Variants in TIPARP observed in about 807,000 individuals in gnomAD.
TIPARP encodes the protein TCDD inducible poly(ADP-ribose) polymerase, also known as protein mono-ADP-ribosyltransferase TIPARP.
A neutral mutation model predicts 56.5 loss-of-function variants in TIPARP; 12 were observed. The ratio of observed to expected loss-of-function variants is 0.21; its 90% CI spans 0.14 to 0.34. TIPARP has a LOEUF of 0.34. Ranked by LOEUF, TIPARP falls within the 10% of genes least tolerant of loss-of-function variation. The pLI is 1.00. For synonymous variants in TIPARP, 296 were observed against 265.7 expected, an observed-to-expected ratio of 1.11 and a Z score of -1.11; for missense variants, 604 against 781.6, an observed-to-expected ratio of 0.77 and a Z score of 2.71.
Position 156,703,643 on chromosome 3 carries a change from A to G in TIPARP, c.1467A>G (p.Lys489=), listed in dbSNP as rs142417122. ...TTCATAAGACTGTGCCTGAGTTTAA[A>G]TACAGAATTTTGCAGATATTGAGAG... ...NLFHKTVPEF[K]YRILQILRVQ... Residue 489 remains lysine (K), a synonymous_variant, in exon 5 of 6, where the codon AAA becomes AAG. Transcript: ENST00000295924. 2 of 1,614,070 alleles carry G rather than the reference A, an allele frequency of 1.2e-6. No individual in the cohort carries two copies. The highest frequency in any genetic ancestry group is 2.7e-5 in the African/African-American group (2 of 74,936).
chr3:156,693,922 G>A lies in TIPARP; in HGVS notation c.918-98G>A, dbSNP rs1476564161. 9 of 1,311,342 alleles carry A rather than the reference G, an allele frequency of 6.9e-6. 1 individual carries two copies. The East Asian group carries it at 2.3e-4, about 34-fold the overall frequency. The allele number at this position is 1,311,342 out of a possible 1,614,324, so 81.2% of individuals were successfully genotyped here. A position where few individuals can be genotyped will look rare whatever the true frequency, so the allele number is the denominator to read the frequency against. The stretch of plus-strand genomic sequence containing the variant: ...TTTTGAAAATTCTACAACAGGCTAT[G>A]CTATGTATTTTTAATGTCCAATGAT... On this transcript the variant is annotated intron_variant, in intron 2 of 5. Transcript: ENST00000295924.
chr3:156,683,287 T>G (rs1476119104), intron 2 of TIPARP, among the ~76,000 whole-genome samples: 1 of 152,194 alleles, frequency 6.6e-6, no homozygotes, highest in African/African-American at 2.4e-5. Flanking sequence ...AAGCTCTTAC[T>G]TTTTATTGTA....
intron 3 of TIPARP, among the ~76,000 whole-genome samples, chr3:156,694,692 G>A (rs1264972097): frequency 6.6e-6 from 1 of 152,174 alleles, no homozygotes; most frequent in Non-Finnish European, 1.5e-5. Context: ...ATGTGCACTT[G>A]CATCCTTAGT....
chr3:156,703,374 G>A (rs1290920859), intron 4 of TIPARP, 50 bp from the exon 5 acceptor site: 18 of 1,573,584 alleles, frequency 1.1e-5, no homozygotes, highest in Non-Finnish European at 1.6e-5. Flanking sequence ...AATGTGAGGT[G>A]TACTTATTTC....
At chr3:156,698,647 C>T (rs779883292) in intron 4 of TIPARP, among the ~76,000 whole-genome samples, 2 of 152,230 alleles carry the variant, frequency 1.3e-5, no homozygotes, top group South Asian at 2.1e-4. Flanking sequence ...TGACAATGCA[C>T]CTGGTTACCC....
intron 2 of TIPARP, among the ~76,000 whole-genome samples, chr3:156,692,285 A>G (rs1376741940): frequency 6.6e-6 from 1 of 152,172 alleles, no homozygotes. Context: ...AAAATTGCTT[A>G]AGGCAACTTG....
chr3:156,703,841 G>C (rs889498122), intron 5 of TIPARP, 139 bp downstream of exon 5: 3 of 880,360 alleles, frequency 3.4e-6, no homozygotes, highest in Non-Finnish European at 3.3e-6. Context: ...GTGAAACCCC[G>C]TCTCTACTAA....
In TIPARP at chr3:156,704,972, G is replaced by A. The variant is rs762552988; in HGVS notation, c.1815G>A (p.Arg605=). ...RYTMGSHGMR[R]PPPVNPGSVT... is the part of the protein sequence containing the mutation. ...CAATGGGCAGTCATGGCATGAGAAGGCCCCCGCCAGTCAATCCTGGCAGTG... is the reference window on the plus strand; with the variant it reads ...CAATGGGCAGTCATGGCATGAGAAGACCCCCGCCAGTCAATCCTGGCAGTG... The change falls in exon 6 of 6, where the codon AGG becomes AGA. Residue 605 remains arginine (R), a synonymous_variant. Transcript: ENST00000295924. 6.2e-7 allele frequency: 1 copy of A among 1,613,880 alleles called. No individual in the cohort carries two copies. Among genetic ancestry groups the A allele is most frequent in the South Asian group, 1.1e-5 (1 of 91,078 alleles).
chr3:156,682,175 G>C lies in TIPARP; in HGVS notation c.917+3561G>C, dbSNP rs549108741. Among the ~76,000 whole-genome samples, 24 of 152,258 alleles carry C rather than the reference G, an allele frequency of 1.6e-4. No individual in the cohort carries two copies. In the East Asian group the frequency reaches 4.6e-3, roughly 29 times the overall value. Reference sequence around the variant, plus strand: ...CTATTTATTTCCACCTGTCAAGAAGGGACACACTGCAAACCTTATTTTGGA... The same window carrying C: ...CTATTTATTTCCACCTGTCAAGAAGCGACACACTGCAAACCTTATTTTGGA... On this transcript the variant is annotated intron_variant, in intron 2 of 5. Transcript: ENST00000295924.
At chr3:156,702,225 T>C (rs1382920146) in intron 4 of TIPARP, among the ~76,000 whole-genome samples, 1 of 152,110 alleles carries the variant, frequency 6.6e-6, no homozygotes, top group African/African-American at 2.4e-5. Context: ...TTAGAAACTA[T>C]CTAGATGGGC....
chr3:156,696,831 A>T (rs148363508), intron 4 of TIPARP, among the ~76,000 whole-genome samples: 1 of 152,182 alleles, frequency 6.6e-6, no homozygotes, highest in Admixed American at 6.5e-5. Context: ...ACTTGGTTTT[A>T]TGAACTTTAG....
In TIPARP at chr3:156,695,924, G is replaced by A; in HGVS notation, c.1146G>A (p.Met382Ile). The A allele has an allele frequency of 1.9e-6, 3 of 1,569,250 alleles. No homozygotes were observed. Among genetic ancestry groups the A allele is most frequent in the Non-Finnish European group, 2.6e-6 (3 of 1,157,808 alleles). Residue 382 changes from methionine to isoleucine, a missense_variant, in exon 4 of 6, where the codon ATG (methionine) becomes ATA (isoleucine). By Grantham distance (10) the Met-to-Ile change is conservative. This residue lies in a region of TIPARP where 252 missense variants were observed against 303.9 expected (regional missense o/e 0.83). Transcript: ENST00000295924. ...GGGGTCTGAAAGAGGTTCGATTTAT[G>A]ATGTGGAATAACCACTACATCCTCC... ...NSRGLKEVRFMMWNNHYILHN... is the reference protein window; with the variant it reads ...NSRGLKEVRFIMWNNHYILHN...
chr3:156,697,920 G>T (rs571721097), intron 4 of TIPARP, among the ~76,000 whole-genome samples: 1 of 152,302 alleles, frequency 6.6e-6, no homozygotes, highest in Non-Finnish European at 1.5e-5. Context: ...TAGGCCTCTT[G>T]TGCCTTAACA....
chr3:156,691,675 G>A (rs1035594667), intron 2 of TIPARP, among the ~76,000 whole-genome samples: 1 of 152,086 alleles, frequency 6.6e-6, no homozygotes, highest in Admixed American at 6.6e-5. Context: ...AAACCTCTTG[G>A]CTTTAGATTT....
Position 156,677,705 on chromosome 3 carries a change from T to TGGAAAC in TIPARP, c.9_14dup (p.Glu4_Thr5dup). ...TTGGAGCTAATCCACATTATGGAAA[T>TGGAAAC]GGAAACCACCGAACCTGAGCCAGAC... On this transcript the variant is annotated inframe_insertion, in exon 2 of 6. Coordinates refer to ENST00000295924, the MANE Select transcript of TIPARP (RefSeq NM_015508.5). 2.5e-6 allele frequency: 4 copies of TGGAAAC among 1,578,486 alleles called. No homozygotes were observed. Among genetic ancestry groups the TGGAAAC allele is most frequent in the Middle Eastern group, 3.4e-4 (2 of 5,864 alleles).
At chr3:156,701,199 C>T (rs1002024108) in intron 4 of TIPARP, among the ~76,000 whole-genome samples, 93 of 152,274 alleles carry the variant, frequency 6.1e-4, no homozygotes, top group African/African-American at 2.2e-3. Context: ...ATTTATTTAT[C>T]TCGGCTCATC....
chr3:156,685,668 C>T lies in TIPARP; in HGVS notation c.917+7054C>T, dbSNP rs569582135. Among the ~76,000 whole-genome samples the T allele has an allele frequency of 7.2e-5, 11 of 152,318 alleles. No homozygotes were observed. In the East Asian group the frequency reaches 1.9e-3, roughly 27 times the overall value. ...TTAGACCACACTTACAAGAATTTCT[C>T]TTTATTACATTAGCTTTTCTTTTTG... On this transcript the variant is annotated intron_variant, in intron 2 of 5. Coordinates refer to ENST00000295924, the MANE Select transcript of TIPARP (RefSeq NM_015508.5).
intron 2 of TIPARP, among the ~76,000 whole-genome samples, chr3:156,686,349 G>A (rs781126918): frequency 6.6e-6 from 1 of 152,156 alleles, no homozygotes; most frequent in Non-Finnish European, 1.5e-5. Flanking sequence ...AATTTAAGAC[G>A]ATGTTTGAAA....
intron 2 of TIPARP, among the ~76,000 whole-genome samples, chr3:156,679,203 A>AT (rs201304092): frequency 2.2e-4 from 33 of 149,204 alleles, no homozygotes; most frequent in South Asian, 2.1e-4. Flanking sequence ...AATTTAGGGT[A>AT]TTTTTTTTTT....
Sources: gnomAD v4.1 joint callset for allele counts (sites outside exome capture counted in the v4.1 genomes callset) on GRCh38, gnomAD v4.1.1 for gene constraint, gnomAD v4.1.1 regional missense constraint, MANE v1.5 for transcripts, NCBI Gene and HGNC (gene_info 2026-07-23, HGNC 2026-07-21) for gene names.